The following INSR variants were observed in gnomAD, a reference collection of about 807,000 sequenced individuals.
INSR encodes insulin receptor, also known as IR.
In INSR, 67 loss-of-function variants were observed where a neutral mutation model predicts 142.6. That is an observed-to-expected ratio of 0.47 (90% CI 0.39 to 0.58). The LOEUF (loss-of-function observed/expected upper bound fraction) is 0.58, where lower values mean the gene tolerates loss of function less well. Ranked by LOEUF, INSR falls within the 20% of genes least tolerant of loss-of-function variation. The pLI is 0.00. For missense variants in INSR, 1,248 were observed against 1,833.2 expected (o/e 0.68, Z 5.83); for synonymous variants, 756 against 743.1 (o/e 1.02, Z -0.28).
chr19:7,293,308 TGC>T, intron 1 of INSR, among the ~76,000 whole-genome samples: 1 of 152,212 alleles, frequency 6.6e-6, no homozygotes, highest in Non-Finnish European at 1.5e-5. Context: ...AGGGGGGCTC[TGC>T]AGTCCCTGAC....
At chr19:7,149,601 C>A (rs1341197901) in intron 11 of INSR, among the ~76,000 whole-genome samples, 7 of 152,072 alleles carry the variant, frequency 4.6e-5, no homozygotes, top group Non-Finnish European at 1.0e-4. Flanking sequence ...GCGGGCGGAT[C>A]GCCTGAGGTC....
At chr19:7,197,835 C>CGAGAGA (rs748138504) in intron 2 of INSR, among the ~76,000 whole-genome samples, 3 of 28,304 alleles carry the variant, frequency 1.1e-4, no homozygotes, top group East Asian at 7.9e-4. Context: ...AGAGAGAGAA[C>CGAGAGA]GAGAGAGAGA....
At chr19:7,280,808 G>A (rs1389699865) in intron 1 of INSR, among the ~76,000 whole-genome samples, 1 of 151,884 alleles carries the variant, frequency 6.6e-6, no homozygotes. Context: ...CAGGAGAATC[G>A]CTTGAACCTG....
Position 7,163,204 on chromosome 19 carries a change from C to G in INSR, c.1862-5G>C. 6.2e-7 allele frequency: 1 copy of G among 1,611,576 alleles called. No individual in the cohort carries two copies. The highest frequency in any genetic ancestry group is 8.5e-7 in the Non-Finnish European group (1 of 1,178,130). ...GATCCAGGGGCACAGAGGGGTCTGT[C>G]AGGGAGAAAGGAAATGGGTCCATCA... is the stretch of plus-strand genomic sequence containing the variant. On this transcript the variant is annotated splice_polypyrimidine_tract_variant and splice_region_variant and intron_variant, in intron 8 of 21. Coordinates refer to ENST00000302850, the MANE Select transcript of INSR (RefSeq NM_000208.4).
chr19:7,227,893 A>G (rs10408312), intron 2 of INSR, among the ~76,000 whole-genome samples: 267 of 152,184 alleles, frequency 1.8e-3, no homozygotes, highest in Non-Finnish European at 2.8e-3. Flanking sequence ...GTTTCTTAAC[A>G]TACCAGAAAC....
intron 9 of INSR, among the ~76,000 whole-genome samples, chr19:7,154,909 A>G (rs1419793396): frequency 1.3e-5 from 2 of 151,838 alleles, no homozygotes; most frequent in Admixed American, 1.3e-4. Flanking sequence ...AGGCGACAAC[A>G]GCGAGACTCT....
At chr19:7,129,041 G>A in intron 14 of INSR, 87 bp from the exon 15 acceptor site, 1 of 1,039,098 alleles carries the variant, frequency 9.6e-7, no homozygotes, top group Non-Finnish European at 1.5e-6. Flanking sequence ...CCTGGAATGG[G>A]TGGGCCACCC....
rs762429291 is a variant in INSR at position 7,216,528 on chromosome 19, G to A, written c.653-31891C>T. Among the ~76,000 whole-genome samples, 24 of 152,166 alleles carry A rather than the reference G, an allele frequency of 1.6e-4. No individual in the cohort carries two copies. The highest frequency in any genetic ancestry group is 2.6e-4 in the Non-Finnish European group (18 of 68,034). On this transcript the variant is annotated intron_variant, in intron 2 of 21. Transcript: ENST00000302850. This position sits in a 1 kb window ranked among gnomAD's most constrained non-coding sequence, Gnocchi z 4.2. ...CAGGGAACCACGGGGGATGTCCCCGGGCTCTGGGTTCGAAAATGCAGGCCC... is the reference window on the plus strand; with the variant it reads ...CAGGGAACCACGGGGGATGTCCCCGAGCTCTGGGTTCGAAAATGCAGGCCC...
intron 1 of INSR, among the ~76,000 whole-genome samples, chr19:7,283,507 TC>T (rs1485611482): frequency 6.6e-6 from 1 of 152,184 alleles, no homozygotes; most frequent in Non-Finnish European, 1.5e-5. Context: ...TGGTGCAGTC[TC>T]GGCTCACTGC....
rs912660113 is a variant in INSR at position 7,192,599 on chromosome 19, T to C, written c.653-7962A>G. Among the ~76,000 whole-genome samples, 3 of 152,182 alleles carry C rather than the reference T, an allele frequency of 2.0e-5. No individual in the cohort carries two copies. Among genetic ancestry groups the C allele is most frequent in the Admixed American group, 1.3e-4 (2 of 15,270 alleles). The stretch of plus-strand genomic sequence containing the variant: ...CCCAGGCTATGTCTGCCAGACAAGA[T>C]GGCAGACTTGCAGGAAAATGCCAAA... On this transcript the variant is annotated intron_variant, in intron 2 of 21. Coordinates refer to ENST00000302850, the MANE Select transcript of INSR (RefSeq NM_000208.4). The surrounding 1 kb of genome is among the most constrained non-coding windows in gnomAD (Gnocchi z 4.2).
Position 7,234,883 on chromosome 19 carries a change from C to T in INSR, c.652+32462G>A, listed in dbSNP as rs183947425. On this transcript the variant is annotated intron_variant, in intron 2 of 21. Coordinates refer to ENST00000302850, the MANE Select transcript of INSR (RefSeq NM_000208.4). ...ACCATCCTGACTAACATGATGAAAC[C>T]CCATCTCTACGAAAAATACAAAAAA... Among the ~76,000 whole-genome samples the T allele has an allele frequency of 1.7e-4, 26 of 151,888 alleles. 1 individual carries two copies. The highest frequency in any genetic ancestry group is 4.8e-4 in the African/African-American group (20 of 41,420).
At position 7,166,909 on chromosome 19, in the gene INSR, A is replaced by C. The variant is rs1274417906; in HGVS notation, c.1611-505T>G. 2.0e-5 allele frequency among the ~76,000 whole-genome samples: 3 copies of C among 150,416 alleles called. No individual in the cohort carries two copies. Among genetic ancestry groups the C allele is most frequent in the African/African-American group, 7.4e-5 (3 of 40,746 alleles). On this transcript the variant is annotated intron_variant, in intron 7 of 21. Transcript: ENST00000302850. This position sits in a 1 kb window ranked among gnomAD's most constrained non-coding sequence, Gnocchi z 4.1. ...ACTCCAGCCTGGGCGACAAAGGGAG[A>C]CTCTGTTTCAAAAACATAAATAAAT...
At chr19:7,249,824 CTACTAAAAA>C (rs1976653751) in intron 2 of INSR, among the ~76,000 whole-genome samples, 1 of 152,068 alleles carries the variant, frequency 6.6e-6, no homozygotes, top group African/African-American at 2.4e-5. Flanking sequence ...AACCCCGTCT[CTACTAAAAA>C]TACAAAAAAT....
At position 7,293,957 on chromosome 19, in the gene INSR, C is replaced by T; in HGVS notation, c.-66G>A. 6 of 1,146,184 alleles carry T rather than the reference C, an allele frequency of 5.2e-6. No homozygotes were observed. Among genetic ancestry groups the T allele is most frequent in the Non-Finnish European group, 6.4e-6 (6 of 934,138 alleles). 71.0% of individuals were successfully genotyped at this position (1,146,184 alleles called of 1,614,324 possible). On this transcript the variant is annotated 5_prime_UTR_variant, in exon 1 of 22. Coordinates refer to ENST00000302850, the MANE Select transcript of INSR (RefSeq NM_000208.4). ...GCGCTGGCCCGCGGGGGTCATGCTC[C>T]GAGGCGGCCACCCAAGAGGCGCTGG... is the stretch of plus-strand genomic sequence containing the variant.
Position 7,261,532 on chromosome 19 carries a change from T to G in INSR, c.652+5813A>C, listed in dbSNP as rs573924335. Among the ~76,000 whole-genome samples the G allele has an allele frequency of 4.0e-5, 6 of 151,310 alleles. No individual in the cohort carries two copies. In the South Asian group the frequency reaches 8.4e-4, roughly 21 times the overall value. On this transcript the variant is annotated intron_variant, in intron 2 of 21. Transcript: ENST00000302850. ...TTTTCTTTTAATTCCCCTAACCATT[T>G]TTTTTTCTTTTTTTAAAAAATGGAG...
At chr19:7,214,105 A>C (rs1328880338) in intron 2 of INSR, among the ~76,000 whole-genome samples, 1 of 152,236 alleles carries the variant, frequency 6.6e-6, no homozygotes, top group African/African-American at 2.4e-5. Context: ...ATGCCTTTTA[A>C]GGATGGCTAT....
intron 2 of INSR, among the ~76,000 whole-genome samples, chr19:7,262,895 G>T (rs1037142577): frequency 1.3e-5 from 2 of 152,214 alleles, no homozygotes; most frequent in African/African-American, 2.4e-5. Flanking sequence ...TTCAGTTTGG[G>T]AGGATGAGAA....
At chr19:7,203,830 C>T (rs62111453) in intron 2 of INSR, among the ~76,000 whole-genome samples, 29,896 of 151,604 alleles carry the variant, frequency 0.2, 4,682 homozygotes, top group African/African-American at 0.44. Flanking sequence ...CGACTTTTAG[C>T]TTACCTCCTG....
chr19:7,192,631 G>A lies in INSR; in HGVS notation c.653-7994C>T, dbSNP rs1039592052. 2.6e-5 allele frequency among the ~76,000 whole-genome samples: 4 copies of A among 152,156 alleles called. No individual in the cohort carries two copies. Among genetic ancestry groups the A allele is most frequent in the East Asian group, 1.9e-4 (1 of 5,186 alleles). The stretch of plus-strand genomic sequence containing the variant: ...CTTGCAGGAAAATGCCAAACCGTCC[G>A]GGGGCTGTCACTCCCTCACACCTGC... On this transcript the variant is annotated intron_variant, in intron 2 of 21. Coordinates refer to ENST00000302850, the MANE Select transcript of INSR (RefSeq NM_000208.4). The surrounding 1 kb of genome is among the most constrained non-coding windows in gnomAD (Gnocchi z 4.2).
Sources: allele counts gnomAD v4.1 joint callset (sites outside exome capture counted in the v4.1 genomes callset), GRCh38; gene constraint gnomAD v4.1.1; non-coding constraint Gnocchi (gnomAD v3.1); transcripts MANE v1.5; gene names NCBI Gene and HGNC (gene_info 2026-07-23, HGNC 2026-07-21).